Variants in TMEM87A observed in about 807,000 individuals in gnomAD.
TMEM87A encodes Golgi-pH regulating cation channel.
A neutral mutation model predicts 90.0 loss-of-function variants in TMEM87A; 50 were observed. That is an observed-to-expected ratio of 0.56 (90% CI 0.44 to 0.70). The LOEUF (loss-of-function observed/expected upper bound fraction) is 0.70, where lower values mean the gene tolerates loss of function less well. Ranked by LOEUF, TMEM87A falls within the 30% of genes least tolerant of loss-of-function variation. The pLI is 0.00. For synonymous variants in TMEM87A, 226 were observed against 226.7 expected (o/e 1.00, Z 0.03); for missense variants, 577 against 660.5 (o/e 0.87, Z 1.39).
chr15:42,259,784 T>C (rs562702571), intron 6 of TMEM87A, among the ~76,000 whole-genome samples: 1 of 152,292 alleles, frequency 6.6e-6, no homozygotes, highest in South Asian at 2.1e-4. Context: ...CACTGGCTGA[T>C]CTTAAGGTTC....
At chr15:42,219,348 G>A (rs2050433011) in intron 17 of TMEM87A, among the ~76,000 whole-genome samples, 1 of 152,084 alleles carries the variant, frequency 6.6e-6, no homozygotes, top group African/African-American at 2.4e-5. Context: ...CCACTCTGTA[G>A]GTTGTCTTTT....
At chr15:42,217,710 A>G (rs981968202) in intron 19 of TMEM87A, 93 bp downstream of exon 19, 4 of 1,261,800 alleles carry the variant, frequency 3.2e-6, no homozygotes, top group Non-Finnish European at 4.6e-6. Context: ...GCCACTACTG[A>G]GTCAAATAAA....
Position 42,236,406 on chromosome 15 carries a change from C to CA in TMEM87A, c.881dup (p.Leu294PhefsTer39), listed in dbSNP as rs2050771838. 6.2e-7 allele frequency: 1 copy of CA among 1,613,908 alleles called. No individual in the cohort carries two copies. The highest frequency in any genetic ancestry group is 1.3e-5 in the African/African-American group (1 of 74,906). On this transcript the variant is annotated frameshift_variant, in exon 10 of 20. Coordinates refer to ENST00000389834, the MANE Select transcript of TMEM87A (RefSeq NM_015497.5). LOFTEE classifies it high-confidence loss of function. ...CTGCTGAAAGCAGCTCTGCAAGGAT[C>CA]AAAGCACCCTGGACTATGAAAAAGA...
Position 42,247,834 on chromosome 15 carries a change from T to C in TMEM87A, c.505-3667A>G, listed in dbSNP as rs898438657. Among the ~76,000 whole-genome samples, 7 of 152,192 alleles carry C rather than the reference T, an allele frequency of 4.6e-5. 1 individual carries two copies. Among genetic ancestry groups the C allele is most frequent in the Admixed American group, 3.9e-4 (6 of 15,274 alleles). ...CCAATTCTGTGAAGAAAGTCATTGG[T>C]AGCTTGATGGGGATGGCATTGAATC... On this transcript the variant is annotated intron_variant, in intron 6 of 19. Coordinates refer to ENST00000389834, the MANE Select transcript of TMEM87A (RefSeq NM_015497.5).
intron 17 of TMEM87A, among the ~76,000 whole-genome samples, chr15:42,218,690 G>A (rs778574337): frequency 6.6e-6 from 1 of 152,104 alleles, no homozygotes; most frequent in Non-Finnish European, 1.5e-5. Context: ...GGCTTATTTT[G>A]CTTAACATAG....
intron 12 of TMEM87A, 118 bp downstream of exon 12, chr15:42,231,074 T>TC: frequency 1.1e-6 from 1 of 881,662 alleles, no homozygotes; most frequent in Admixed American, 3.0e-5. Context: ...CATGCACTGT[T>TC]CCCCACACTA....
chr15:42,214,389 C>G (rs573303289), intron 19 of TMEM87A, among the ~76,000 whole-genome samples: 1 of 152,124 alleles, frequency 6.6e-6, no homozygotes, highest in Non-Finnish European at 1.5e-5. Flanking sequence ...AGAAGAGAAA[C>G]GACAGGCCAA....
chr15:42,261,172 G>T (rs1323369466), intron 5 of TMEM87A, 24 bp downstream of exon 5: 4 of 1,610,280 alleles, frequency 2.5e-6, no homozygotes. Flanking sequence ...TGCACTCTCA[G>T]AAATATATAA....
In TMEM87A at chr15:42,253,515, A is replaced by G. The variant is rs190531407; in HGVS notation, c.504+7443T>C. Among the ~76,000 whole-genome samples, 3 of 152,312 alleles carry G rather than the reference A, an allele frequency of 2.0e-5. No homozygotes were observed. In the East Asian group the frequency reaches 5.8e-4, roughly 29 times the overall value. ...CTCTAAGTTGGGGAAAACAAAGTTA[A>G]GTCCTGGCAAGGTTCCTTCAGGGAG... On this transcript the variant is annotated intron_variant, in intron 6 of 19. Coordinates refer to ENST00000389834, the MANE Select transcript of TMEM87A (RefSeq NM_015497.5).
intron 1 of TMEM87A, chr15:42,273,021 T>G (rs901124946): frequency 6.0e-6 from 4 of 666,444 alleles, no homozygotes; most frequent in African/African-American, 5.4e-5. Context: ...GAGAAGCCGC[T>G]CCACCACTCC....
chr15:42,273,492 G>T, upstream of TMEM87A: 3 of 1,556,448 alleles, frequency 1.9e-6, no homozygotes, highest in Non-Finnish European at 2.6e-6. Flanking sequence ...GGATTATCCG[G>T]GTCCTGGAAA....
chr15:42,216,329 T>C (rs607959), intron 19 of TMEM87A, among the ~76,000 whole-genome samples: 12,009 of 152,240 alleles, frequency 0.079, 1,281 homozygotes, highest in African/African-American at 0.22. Flanking sequence ...TTATACGTAA[T>C]AATACTGTAA....
intron 6 of TMEM87A, chr15:42,259,064 C>T (rs2051236965): frequency 1.4e-6 from 1 of 698,872 alleles, no homozygotes; most frequent in Non-Finnish European, 2.6e-6. Context: ...CTCCTTAAAA[C>T]CAAAGTCCCT....
intron 2 of TMEM87A, among the ~76,000 whole-genome samples, chr15:42,269,662 C>T (rs368135443): frequency 9.9e-4 from 150 of 152,242 alleles, no homozygotes; most frequent in African/African-American, 3.4e-3. Context: ...TAAGGTCGGG[C>T]GCGGTGGCTC....
chr15:42,235,871 T>C (rs1270719960), intron 10 of TMEM87A, among the ~76,000 whole-genome samples: 1 of 152,230 alleles, frequency 6.6e-6, no homozygotes, highest in African/African-American at 2.4e-5. Context: ...TTCTGTTTAC[T>C]TGCCATATCC....
At chr15:42,238,049 CAT>C (rs1409250044) in intron 8 of TMEM87A, among the ~76,000 whole-genome samples, 1 of 151,578 alleles carries the variant, frequency 6.6e-6, no homozygotes, top group Non-Finnish European at 1.5e-5. Flanking sequence ...GTATGTATCA[CAT>C]ATGTATACCA....
chr15:42,255,549 C>G (rs1269567790), intron 6 of TMEM87A, among the ~76,000 whole-genome samples: 2 of 152,088 alleles, frequency 1.3e-5, no homozygotes, highest in African/African-American at 4.8e-5. Flanking sequence ...AGGCATAAGC[C>G]ACTGCACTGC....
chr15:42,231,401 C>A (rs1303330479), intron 11 of TMEM87A, 141 bp from the exon 12 acceptor site: 3 of 565,364 alleles, frequency 5.3e-6, no homozygotes, highest in East Asian at 6.8e-5. Flanking sequence ...ACATTTGACA[C>A]CTAATCATTC....
intron 3 of TMEM87A, among the ~76,000 whole-genome samples, chr15:42,265,774 A>G (rs1287834656): frequency 6.6e-6 from 1 of 152,174 alleles, no homozygotes; most frequent in East Asian, 1.9e-4. Flanking sequence ...CATCTTCATC[A>G]TGAAATCTTT....
Sources: allele counts gnomAD v4.1 joint callset (sites outside exome capture counted in the v4.1 genomes callset), GRCh38; gene constraint gnomAD v4.1.1; transcripts MANE v1.5; gene names NCBI Gene and HGNC (gene_info 2026-07-23, HGNC 2026-07-21).